PES1: variants seen among roughly 807,000 people sequenced by gnomAD.
PES1 encodes pescadillo homolog.
PES1 carries 31 observed loss-of-function variants against 77.1 expected under a neutral mutation model. The ratio of observed to expected loss-of-function variants is 0.40; its 90% confidence interval spans 0.30 to 0.54. PES1 has a LOEUF of 0.54. PES1 is among the 20% of genes least tolerant of loss of function. The pLI, the probability that PES1 is intolerant of heterozygous loss-of-function variation, is 0.45. For missense variants in PES1, 658 were observed against 771.7 expected (o/e 0.85, Z 1.75); for synonymous variants, 282 against 303.0 (o/e 0.93, Z 0.72).
rs917098156 is a variant in PES1 at position 30,605,345 on chromosome 22, C to T, written c.-661+116G>A. ...TGTCTTCCTATTCCTACTCCCCCAC[C>T]CTCTAGCACTGAGTCCAGGTAGGTA... On this transcript the variant is annotated intron_variant, in intron 2 of 16. Coordinates refer to the PES1 transcript ENST00000402281. 5 of 398,492 alleles carry T rather than the reference C, an allele frequency of 1.3e-5. No homozygotes were observed. In the Admixed American group the frequency reaches 2.6e-4, roughly 20 times the overall value. The allele number at this position is 398,492 out of a possible 1,614,324, so 24.7% of individuals were successfully genotyped here.
chr22:30,591,731 C>T, intron 1 of PES1, 79 bp downstream of exon 1: 1 of 1,480,420 alleles, frequency 6.8e-7, no homozygotes, highest in Non-Finnish European at 9.1e-7. Flanking sequence ...CGAGACGGAG[C>T]CCGGGAAAAG....
intron 2 of PES1, among the ~76,000 whole-genome samples, chr22:30,598,022 T>A (rs2087289817): frequency 6.6e-6 from 1 of 151,394 alleles, no homozygotes; most frequent in African/African-American, 2.4e-5. Flanking sequence ...TAGCTGGGAC[T>A]ACAGGCGCCC....
chr22:30,581,127 C>A, intron 8 of PES1, 26 bp from the exon 9 acceptor site: 1 of 1,570,018 alleles, frequency 6.4e-7, no homozygotes, highest in East Asian at 2.2e-5. Context: ...GGGCTGCTTG[C>A]AGTGGGGGAC....
chr22:30,591,652 C>T (rs2087177596), intron 1 of PES1, 158 bp downstream of exon 1: 2 of 739,800 alleles, frequency 2.7e-6, no homozygotes, highest in African/African-American at 1.8e-5. Flanking sequence ...ATACTGCCAT[C>T]CTTGTCCATT....
rs1029035496 is a variant in PES1, at chr22:30,584,736, A to G, written c.369-19T>C. 2 of 1,612,478 alleles carry G rather than the reference A, an allele frequency of 1.2e-6. No individual in the cohort carries two copies. Among genetic ancestry groups the G allele is most frequent in the East Asian group, 4.5e-5 (2 of 44,880 alleles). ...GGGATACCTGCATGGCCAGTGAGGC[A>G]GCACATGGGGCCTGTTCAGCGTGGG... On this transcript the variant is annotated intron_variant, in intron 4 of 14. Coordinates refer to ENST00000354694, the MANE Select transcript of PES1 (RefSeq NM_014303.4).
At chr22:30,590,093 T>C (rs1400373049) in intron 1 of PES1, among the ~76,000 whole-genome samples, 2 of 152,168 alleles carry the variant, frequency 1.3e-5, no homozygotes, top group Non-Finnish European at 2.9e-5. Context: ...ACAGGTCCTC[T>C]ATTATGGTCA....
intron 1 of PES1, chr22:30,605,520 G>A: frequency 1.0e-6 from 1 of 981,828 alleles, no homozygotes; most frequent in Admixed American, 6.1e-5. Context: ...CTGCCTTCCT[G>A]GAAATAGGAA....
intron 14 of PES1, among the ~76,000 whole-genome samples, chr22:30,578,172 C>T (rs1023939324): frequency 6.6e-6 from 1 of 152,182 alleles, no homozygotes; most frequent in Non-Finnish European, 1.5e-5. Flanking sequence ...ATCCCAGCTA[C>T]TCGGGAGGCT....
chr22:30,579,083 G>A, intron 13 of PES1, 54 bp downstream of exon 13: 1 of 1,604,514 alleles, frequency 6.2e-7, no homozygotes, highest in South Asian at 1.1e-5. Context: ...GGCCAGAGCA[G>A]GCACCAAGCA....
intron 1 of PES1, among the ~76,000 whole-genome samples, chr22:30,589,988 T>G (rs181540031): frequency 9.5e-4 from 144 of 152,286 alleles, no homozygotes; most frequent in African/African-American, 3.3e-3. Flanking sequence ...TCAACCAATT[T>G]TGTTCCCTTG....
At chr22:30,597,867 C>A (rs542177417) in intron 2 of PES1, among the ~76,000 whole-genome samples, 1 of 147,548 alleles carries the variant, frequency 6.8e-6, no homozygotes, top group African/African-American at 2.5e-5. Flanking sequence ...TTTTTTTCCA[C>A]GCAGTTGAAG....
At chr22:30,585,840 C>T (rs1461294184) in intron 4 of PES1, among the ~76,000 whole-genome samples, 2 of 152,048 alleles carry the variant, frequency 1.3e-5, no homozygotes, top group East Asian at 1.9e-4. Context: ...CTCACTGCTG[C>T]GAGTCAGAAG....
intron 10 of PES1, 65 bp from the exon 11 acceptor site, chr22:30,580,243 C>T (rs973040800): frequency 1.3e-6 from 2 of 1,548,668 alleles, no homozygotes; most frequent in Admixed American, 4.0e-5. Context: ...AGACTCAGCT[C>T]CCTGGGACCT....
In PES1 at chr22:30,587,163, T is replaced by C. The variant is rs148684454; in HGVS notation, c.368+123A>G. On this transcript the variant is annotated intron_variant, in intron 4 of 14. Coordinates refer to ENST00000354694, the MANE Select transcript of PES1 (RefSeq NM_014303.4). ...CTAGCTTGGTTTTTGGTCTGTGTCC[T>C]TGAAAAAGTTGCAAGCTCTTTGAGC... The C allele has an allele frequency of 7.0e-3, 5,132 of 733,392 alleles. 66 individuals are homozygous for C. The highest frequency in any genetic ancestry group is 0.028 in the South Asian group (1,665 of 58,424). 45.4% of individuals were successfully genotyped at this position (733,392 alleles called of 1,614,324 possible).
At chr22:30,598,059 A>G (rs1182616861) in intron 2 of PES1, among the ~76,000 whole-genome samples, 2 of 151,704 alleles carry the variant, frequency 1.3e-5, no homozygotes, top group Admixed American at 6.6e-5. Context: ...AGTTTTTTGT[A>G]TTTTTAGTAG....
At chr22:30,579,390 GA>G (rs1051405154) in intron 12 of PES1, 87 bp from the exon 13 acceptor site, 18 of 1,581,882 alleles carry the variant, frequency 1.1e-5, no homozygotes, top group Non-Finnish European at 1.4e-5. Flanking sequence ...CATCCTCTCT[GA>G]CCCTGCCGTC....
rs1602009045 is a variant in PES1 at position 30,581,721 on chromosome 22, G to A, written c.631-77C>T. ...AGGAGGGACAGACAACCCACAGAGT[G>A]GAGGGTGTCTGACCTACCCAAAGAC... On this transcript the variant is annotated intron_variant, in intron 6 of 14. Transcript: ENST00000354694. 6 of 1,021,384 alleles carry A rather than the reference G, an allele frequency of 5.9e-6. No individual in the cohort carries two copies. In the East Asian group the frequency reaches 1.4e-4, roughly 24 times the overall value. The allele number at this position is 1,021,384 out of a possible 1,614,324, so 63.3% of individuals were successfully genotyped here.
Position 30,578,932 on chromosome 22 carries a change from T to A in PES1, c.1588A>T (p.Ser530Cys). Residue 530 changes from serine to cysteine, a missense_variant, in exon 14 of 15, where the codon AGT (serine) becomes TGT (cysteine). By Grantham distance (112) the Ser-to-Cys change is moderately radical (BLOSUM62 -1). Coordinates refer to ENST00000354694, the MANE Select transcript of PES1 (RefSeq NM_014303.4). ...DKQRLAQEEE[S>C]EAKRLAIMMM... is the part of the protein sequence containing the mutation. ...ATAATGGCCAGGCGCTTGGCCTCAC[T>A]CTCCTCCTCCTGGGCCAGCCGCTGC... The A allele has an allele frequency of 6.2e-7, 1 of 1,613,534 alleles. No homozygotes were observed. The highest frequency in any genetic ancestry group is 8.5e-7 in the Non-Finnish European group (1 of 1,179,980).
intron 2 of PES1, chr22:30,598,462 CTG>C (rs2087300441): frequency 6.6e-6 from 1 of 152,152 alleles, no homozygotes; most frequent in Non-Finnish European, 1.5e-5. Context: ...TTTTTTCACT[CTG>C]TTTAGTAGGT....
Sources: allele counts gnomAD v4.1 joint callset (sites outside exome capture counted in the v4.1 genomes callset), GRCh38; gene constraint gnomAD v4.1.1; transcripts MANE v1.5; gene names NCBI Gene and HGNC (gene_info 2026-07-23, HGNC 2026-07-21).